The following NLRC5 variants were observed in gnomAD, a reference collection of about 807,000 sequenced individuals.
NLRC5 encodes NLR family CARD domain containing 5.
A neutral mutation model predicts 206.9 loss-of-function variants in NLRC5; 114 were observed. The ratio of observed to expected loss-of-function variants is 0.55; its 90% confidence interval spans 0.47 to 0.64. The LOEUF is 0.64. NLRC5 is among the 30% of genes least tolerant of loss of function. The probability of loss-of-function intolerance (pLI) is 0.00; values close to 1 mark genes in which losing one functional copy is unlikely to be tolerated. For synonymous variants in NLRC5, 952 were observed against 962.8 expected (o/e 0.99, Z 0.21); for missense variants, 2,008 against 2,305.5 (o/e 0.87, Z 2.64).
intron 1 of NLRC5, among the ~76,000 whole-genome samples, chr16:56,995,588 T>C (rs1334705518): frequency 2.0e-5 from 3 of 147,076 alleles, no homozygotes; most frequent in Admixed American, 6.9e-5. Context: ...CCAGCACCTA[T>C]CCCTTGTGGG....
rs775453101 is a variant in NLRC5, at chr16:57,081,067, T to G, written c.5322-31T>G. On this transcript the variant is annotated intron_variant, in intron 46 of 48. Coordinates refer to ENST00000688547, the MANE Select transcript of NLRC5 (RefSeq NM_001384950.1). ...CCACCCCTCGACCTCCTTGCTCTCC[T>G]GCCGCTGACTTTGGGACCCCTACCC... is the stretch of plus-strand genomic sequence containing the variant. The G allele has an allele frequency of 9.7e-6, 15 of 1,543,744 alleles. No individual in the cohort carries two copies. The Admixed American group carries it at 2.9e-4, about 30-fold the overall frequency.
chr16:57,041,619 C>T (rs778213260), intron 18 of NLRC5, 45 bp downstream of exon 18: 4 of 1,487,206 alleles, frequency 2.7e-6, no homozygotes, highest in African/African-American at 1.4e-5. Flanking sequence ...GGGCCAATTA[C>T]AGTGAGTTAG....
At chr16:57,003,914 T>C (rs2058597655) in intron 1 of NLRC5, 2 of 152,038 alleles carry the variant, frequency 1.3e-5, no homozygotes, top group Admixed American at 1.3e-4. Flanking sequence ...ACAGCTTTGG[T>C]GTGGAGTAGG....
chr16:57,014,692 G>A (rs1264783259), intron 1 of NLRC5, among the ~76,000 whole-genome samples: 1 of 152,152 alleles, frequency 6.6e-6, no homozygotes, highest in Non-Finnish European at 1.5e-5. Flanking sequence ...TCGAAGGCAA[G>A]TATGTCTTAG....
rs1597336609 is a variant in NLRC5, at chr16:57,045,461, C to T, written c.3217C>T (p.His1073Tyr). ...FRLDISFESQ[H>Y]ILLRGDKTSR... is the part of the protein sequence containing the mutation. ...CTCTGCTTCCAGCTTTGAAAGCCAA[C>T]ACATCCTCCTGAGAGGGGACAAGAC... Residue 1073 changes from histidine (H) to tyrosine (Y), a missense_variant, in exon 21 of 49, where the codon CAC becomes TAC. His to Tyr is a moderately conservative substitution (Grantham distance 83). Coordinates refer to ENST00000688547, the MANE Select transcript of NLRC5 (RefSeq NM_001384950.1). 2 of 1,614,138 alleles carry T rather than the reference C, an allele frequency of 1.2e-6. No homozygotes were observed. Among genetic ancestry groups the T allele is most frequent in the East Asian group, 2.2e-5 (1 of 44,882 alleles).
chr16:57,003,117 T>C (rs2058488079), intron 1 of NLRC5, among the ~76,000 whole-genome samples: 1 of 152,014 alleles, frequency 6.6e-6, no homozygotes. Flanking sequence ...TGGAGTGCAG[T>C]GGCGTGATCT....
At chr16:57,055,555 G>A (rs2065528918) in intron 27 of NLRC5, 36 bp downstream of exon 27, 1 of 1,564,070 alleles carries the variant, frequency 6.4e-7, no homozygotes, top group Admixed American at 1.7e-5. Context: ...AGAGGAGCAT[G>A]GACGCATGCC....
rs27194 is a variant in NLRC5 at position 57,082,602 on chromosome 16, T to A, written c.*74T>A. On this transcript the variant is annotated 3_prime_UTR_variant, in exon 49 of 49. Coordinates refer to ENST00000688547, the MANE Select transcript of NLRC5 (RefSeq NM_001384950.1). ...ATCCACCTTTCGCCCACTGGGATAA[T>A]TGACTCAGGAAAGAAGAGCCTCGGC... The A allele has an allele frequency of 0.77, 866,168 of 1,124,692 alleles. 334,915 individuals carry two copies. The highest frequency in any genetic ancestry group is 0.87 in the East Asian group (36,120 of 41,466). The allele number at this position is 1,124,692 out of a possible 1,614,324, so 69.7% of individuals were successfully genotyped here.
chr16:57,019,329 G>A (rs1254368851), intron 2 of NLRC5, among the ~76,000 whole-genome samples: 9 of 152,058 alleles, frequency 5.9e-5, no homozygotes, highest in Non-Finnish European at 8.8e-5. Context: ...CCCGGGAGGC[G>A]GAGGCTGCAG....
Position 57,026,993 on chromosome 16 carries a change from G to A in NLRC5, c.2050G>A (p.Gly684Ser), listed in dbSNP as rs2061323580. ...LEPHCPEALV[G>S]CGQIENLSFK... ...GCCCCACTGCCCTGAGGCTCTGGTAGGCTGTGGGCAGATAGAGAATCTCAG... is the reference window on the plus strand; with the variant it reads ...GCCCCACTGCCCTGAGGCTCTGGTAAGCTGTGGGCAGATAGAGAATCTCAG... The change falls in exon 6 of 49, where the codon GGC becomes AGC. Residue 684 changes from glycine to serine, a missense_variant. Gly to Ser is a moderately conservative substitution (Grantham distance 56, BLOSUM62 0). Coordinates refer to ENST00000688547, the MANE Select transcript of NLRC5 (RefSeq NM_001384950.1). 1 of 1,613,876 alleles carries A rather than the reference G, an allele frequency of 6.2e-7. No homozygotes were observed. The highest frequency in any genetic ancestry group is 1.3e-5 in the African/African-American group (1 of 74,944).
rs201860459 is a variant in NLRC5 at position 57,025,372 on chromosome 16, G to A, written c.429G>A (p.Leu143=). The A allele has an allele frequency of 2.0e-6, 3 of 1,533,434 alleles. No individual in the cohort carries two copies. Among genetic ancestry groups the A allele is most frequent in the Middle Eastern group, 1.8e-4 (1 of 5,660 alleles). 95.0% of individuals were successfully genotyped at this position (1,533,434 alleles called of 1,614,324 possible). A position where few individuals can be genotyped will look rare whatever the true frequency, so the allele number is the denominator to read the frequency against. Reference sequence around the variant, plus strand: ...CCATGTCCCTGCCCCTTGCAGAGTTGGCCAAGAAGTACCTGCAGCTCCTGC... The same window carrying A: ...CCATGTCCCTGCCCCTTGCAGAGTTAGCCAAGAAGTACCTGCAGCTCCTGC... ...RKQCKKQQLE[L]AKKYLQLLRT... Residue 143 remains leucine (L), a synonymous_variant, in exon 6 of 49, where the codon TTG becomes TTA. Coordinates refer to ENST00000688547, the MANE Select transcript of NLRC5 (RefSeq NM_001384950.1).
chr16:57,070,442 G>C (rs1351020975), intron 37 of NLRC5, 93 bp from the exon 38 acceptor site: 1 of 1,132,916 alleles, frequency 8.8e-7, no homozygotes, highest in Non-Finnish European at 1.3e-6. Context: ...TGGCCTCCCA[G>C]GGGACAGAGC....
At chr16:57,041,606 G>T in intron 18 of NLRC5, 32 bp downstream of exon 18, 1 of 1,577,254 alleles carries the variant, frequency 6.3e-7, no homozygotes, top group Non-Finnish European at 8.7e-7. Flanking sequence ...AGGTGGGTGG[G>T]TGGGGCCAAT....
chr16:57,036,285 C>T lies in NLRC5; in HGVS notation c.2711+102C>T, dbSNP rs1183386456. 7 of 1,055,762 alleles carry T rather than the reference C, an allele frequency of 6.6e-6. No individual in the cohort carries two copies. In the African/African-American group the frequency reaches 7.9e-5, roughly 12 times the overall value. 65.4% of individuals were successfully genotyped at this position (1,055,762 alleles called of 1,614,324 possible). ...CAGTAAGGGTGCTGATCCACTGCCACCCCTGCTTCCTCCCAACTCCAGCAA... is the reference window on the plus strand; with the variant it reads ...CAGTAAGGGTGCTGATCCACTGCCATCCCTGCTTCCTCCCAACTCCAGCAA... On this transcript the variant is annotated intron_variant, in intron 14 of 48. Transcript: ENST00000688547.
chr16:57,071,997 T>A (rs1348362792), intron 38 of NLRC5, among the ~76,000 whole-genome samples: 1 of 152,078 alleles, frequency 6.6e-6, no homozygotes, highest in Non-Finnish European at 1.5e-5. Flanking sequence ...TGGATCTCAG[T>A]GCCAGCAAGA....
intron 1 of NLRC5, among the ~76,000 whole-genome samples, chr16:57,014,722 T>G (rs1204415237): frequency 1.3e-5 from 2 of 152,178 alleles, no homozygotes; most frequent in Non-Finnish European, 2.9e-5. Context: ...GCTGTTATAA[T>G]GAAACACTGT....
intron 11 of NLRC5, 92 bp downstream of exon 11, chr16:57,031,555 A>G: frequency 8.3e-7 from 1 of 1,203,796 alleles, no homozygotes; most frequent in Non-Finnish European, 1.2e-6. Flanking sequence ...GAGACTAGGA[A>G]GAGCTGGGGT....
rs142863717 is a variant in NLRC5 at position 57,061,716 on chromosome 16, G to T, written c.4154+15G>T. Reference sequence around the variant, plus strand: ...TTCAGCCTCAGGTACCTCCTCCCCCGCTGCCTCCGGGAGGGGCCATGGCAT... The same window carrying T: ...TTCAGCCTCAGGTACCTCCTCCCCCTCTGCCTCCGGGAGGGGCCATGGCAT... On this transcript the variant is annotated intron_variant, in intron 32 of 48. Coordinates refer to ENST00000688547, the MANE Select transcript of NLRC5 (RefSeq NM_001384950.1). 11 of 1,593,892 alleles carry T rather than the reference G, an allele frequency of 6.9e-6. No homozygotes were observed. The South Asian group carries it at 1.2e-4, about 18-fold the overall frequency.
At chr16:57,048,757 C>A (rs1297324077) in intron 23 of NLRC5, among the ~76,000 whole-genome samples, 11 of 152,172 alleles carry the variant, frequency 7.2e-5, no homozygotes, top group African/African-American at 2.7e-4. Context: ...TGGTCTCGAA[C>A]TCCTGACCTC....
Sources: allele counts gnomAD v4.1 joint callset (sites outside exome capture counted in the v4.1 genomes callset), GRCh38; gene constraint gnomAD v4.1.1; transcripts MANE v1.5; gene names NCBI Gene and HGNC (gene_info 2026-07-23, HGNC 2026-07-21).